GNA12: variants seen among roughly 807,000 people sequenced by gnomAD.
The protein encoded by GNA12 is guanine nucleotide-binding protein subunit alpha-12.
A neutral mutation model predicts 26.0 loss-of-function variants in GNA12; 9 were observed. The observed-to-expected ratio is 0.35, with a 90% CI of 0.21 to 0.60. GNA12 has a LOEUF of 0.60. Ranked by LOEUF, GNA12 falls within the 20% of genes least tolerant of loss-of-function variation. The pLI is 0.78. For synonymous variants in GNA12, 264 were observed against 219.6 expected, an observed-to-expected ratio of 1.20 and a Z score of -1.79; for missense variants, 405 against 525.8, an observed-to-expected ratio of 0.77 and a Z score of 2.25.
intron 1 of GNA12, among the ~76,000 whole-genome samples, chr7:2,808,393 C>T (rs188749412): frequency 1.1e-4 from 17 of 152,346 alleles, no homozygotes; most frequent in Non-Finnish European, 1.9e-4. Flanking sequence ...GGGTGTGGGC[C>T]GAGCTGACTG....
intron 2 of GNA12, among the ~76,000 whole-genome samples, chr7:2,763,779 G>A (rs966103915): frequency 2.0e-5 from 3 of 152,086 alleles, no homozygotes; most frequent in Non-Finnish European, 4.4e-5. Flanking sequence ...TTTTCCTGTC[G>A]CCTGGAACAA....
At chr7:2,814,726 C>T (rs890760087) in intron 1 of GNA12, 3 of 684,310 alleles carry the variant, frequency 4.4e-6, no homozygotes, top group Non-Finnish European at 7.4e-6. Context: ...GAACTCCTTG[C>T]ATATAACGGC....
intron 2 of GNA12, among the ~76,000 whole-genome samples, chr7:2,784,741 G>A (rs929810434): frequency 1.3e-5 from 2 of 151,988 alleles, no homozygotes; most frequent in Admixed American, 6.6e-5. Context: ...GTACTGATTC[G>A]CAAGCGCCCT....
chr7:2,755,124 C>T (rs554552518), intron 2 of GNA12, among the ~76,000 whole-genome samples: 261 of 152,286 alleles, frequency 1.7e-3, no homozygotes, highest in South Asian at 3.1e-3. Context: ...CCAGTGACCT[C>T]GTGTCTCTCC....
intron 2 of GNA12, among the ~76,000 whole-genome samples, chr7:2,756,536 G>T (rs1791303533): frequency 6.6e-6 from 1 of 152,038 alleles, no homozygotes; most frequent in Non-Finnish European, 1.5e-5. Flanking sequence ...GATCTCTTGA[G>T]CCCGGGAGGT....
At chr7:2,823,119 TGGGGTCCGAGGCATCATCTATG>T (rs1429414389) in intron 1 of GNA12, among the ~76,000 whole-genome samples, 1 of 152,218 alleles carries the variant, frequency 6.6e-6, no homozygotes, top group Non-Finnish European at 1.5e-5. Flanking sequence ...ACTAAAAACG[TGGGGTCCGAGGCATCATCTATG>T]GCAGGCTTTG....
At chr7:2,762,863 G>C (rs1235592800) in intron 2 of GNA12, 16 of 1,459,152 alleles carry the variant, frequency 1.1e-5, no homozygotes, top group African/African-American at 2.8e-5. Flanking sequence ...GAGAGGGCCA[G>C]CTCCGAGCCC....
chr7:2,772,482 C>T (rs920553834), intron 2 of GNA12, among the ~76,000 whole-genome samples: 45 of 152,002 alleles, frequency 3.0e-4, no homozygotes, highest in Non-Finnish European at 6.0e-4. Context: ...ATGGCGTGAA[C>T]CCAGGAGGCG....
At chr7:2,837,451 C>T (rs1778871109) in intron 1 of GNA12, among the ~76,000 whole-genome samples, 1 of 152,226 alleles carries the variant, frequency 6.6e-6, no homozygotes, top group Middle Eastern at 3.2e-3. Flanking sequence ...AAACTTCCCA[C>T]ATTTGGCAAG....
chr7:2,732,356 G>C (rs1310585931), intron 3 of GNA12, among the ~76,000 whole-genome samples: 1 of 152,138 alleles, frequency 6.6e-6, no homozygotes, highest in East Asian at 1.9e-4. Context: ...AGAACAGCCT[G>C]GGCAACATAG....
intron 2 of GNA12, among the ~76,000 whole-genome samples, chr7:2,734,265 GCCCGCATATGAACAGGCACGCAATGAGT>G (rs1790046731): frequency 1.3e-5 from 2 of 152,214 alleles, no homozygotes. Flanking sequence ...CCACAGAGCA[GCCCGCATATGAACAGGCACGCAATGAGT>G]CCCTTCAAAG....
chr7:2,740,518 G>A (rs1790446929), intron 2 of GNA12, among the ~76,000 whole-genome samples: 1 of 152,166 alleles, frequency 6.6e-6, no homozygotes, highest in Non-Finnish European at 1.5e-5. Flanking sequence ...CCAGAGCTGT[G>A]AGAAAATTAA....
At chr7:2,770,312 T>C (rs1449447348) in intron 2 of GNA12, among the ~76,000 whole-genome samples, 1 of 152,212 alleles carries the variant, frequency 6.6e-6, no homozygotes, top group Non-Finnish European at 1.5e-5. Context: ...GTTTGGAAAT[T>C]AAATTAAATG....
chr7:2,814,503 C>T (rs1562442343), intron 1 of GNA12: 3 of 749,986 alleles, frequency 4.0e-6, no homozygotes, highest in Non-Finnish European at 6.9e-6. Context: ...AAGACACAAA[C>T]CAAGACTTTG....
At chr7:2,783,011 TCTAA>T (rs1792268489) in intron 2 of GNA12, among the ~76,000 whole-genome samples, 1 of 152,250 alleles carries the variant, frequency 6.6e-6, no homozygotes, top group Non-Finnish European at 1.5e-5. Flanking sequence ...TGTCCAGTTT[TCTAA>T]CTTTTATCTT....
At chr7:2,776,797 C>CGTCG (rs1792088968) in intron 2 of GNA12, among the ~76,000 whole-genome samples, 1 of 152,072 alleles carries the variant, frequency 6.6e-6, no homozygotes, top group Admixed American at 6.6e-5. Context: ...TTAAACCTTA[C>CGTCG]GTCGGGGCCA....
At chr7:2,808,159 G>T (rs74756364) in intron 1 of GNA12, among the ~76,000 whole-genome samples, 1,577 of 152,352 alleles carry the variant, frequency 0.01, 10 homozygotes, top group Middle Eastern at 0.075. Flanking sequence ...GCCTCTGCAA[G>T]TTTCAATATC....
chr7:2,796,338 G>A (rs979410793), intron 1 of GNA12, among the ~76,000 whole-genome samples: 1 of 152,176 alleles, frequency 6.6e-6, no homozygotes, highest in African/African-American at 2.4e-5. Context: ...TGTCATGAAA[G>A]TTAAGTAAAT....
chr7:2,742,102 G>T (rs1433455581), intron 2 of GNA12, among the ~76,000 whole-genome samples: 1 of 151,450 alleles, frequency 6.6e-6, no homozygotes, highest in African/African-American at 2.4e-5. Flanking sequence ...GCTCACTGCA[G>T]CCTCCGCCTC....
Sources: allele counts gnomAD v4.1 joint callset (sites outside exome capture counted in the v4.1 genomes callset), GRCh38; gene constraint gnomAD v4.1.1; transcripts MANE v1.5; gene names NCBI Gene and HGNC (gene_info 2026-07-23, HGNC 2026-07-21).